Variants in ABCC1 observed in about 807,000 individuals in gnomAD.
ABCC1 encodes the protein multidrug resistance-associated protein 1.
Under a neutral mutation model 172.9 loss-of-function variants are expected in ABCC1, and 83 were observed. That is an observed-to-expected ratio of 0.48 (90% confidence interval 0.40 to 0.58). ABCC1 has a LOEUF of 0.58. Among genes scored for constraint, ABCC1 ranks in the 20% least tolerant of loss-of-function variants. The pLI is 0.00. For synonymous variants in ABCC1, 937 were observed against 825.2 expected, an observed-to-expected ratio of 1.14 and a Z score of -2.32; for missense variants, 1,817 against 2,002.7, an observed-to-expected ratio of 0.91 and a Z score of 1.77.
intron 24 of ABCC1, 124 bp from the exon 25 acceptor site, chr16:16,124,665 C>T (rs12934805): frequency 1.0e-4 from 146 of 1,394,808 alleles, no homozygotes; most frequent in Non-Finnish European, 1.4e-4. Context: ...GAAGGACTCT[C>T]TCTGGAATTA....
chr16:16,098,767 C>G, intron 19 of ABCC1: 2 of 1,053,078 alleles, frequency 1.9e-6, no homozygotes, highest in South Asian at 2.4e-5. Flanking sequence ...TCTTGCCTCT[C>G]CCCCTTTAGA....
chr16:16,079,689 TC>T (rs1227098900), intron 16 of ABCC1, among the ~76,000 whole-genome samples: 1 of 152,196 alleles, frequency 6.6e-6, no homozygotes, highest in Non-Finnish European at 1.5e-5. Context: ...GATTTTGGTA[TC>T]ATTTATTTCC....
At chr16:16,124,351 T>TGTGTGTGTGTGTGTGTGTGTGTGAG (rs1567432185) in intron 24 of ABCC1, among the ~76,000 whole-genome samples, 1 of 32,900 alleles carries the variant, frequency 3.0e-5, no homozygotes, top group Admixed American at 3.1e-4. Context: ...GTGTGTGTGA[T>TGTGTGTGTGTGTGTGTGTGTGTGAG]TATAGGAGTG....
intron 26 of ABCC1, among the ~76,000 whole-genome samples, chr16:16,131,560 G>A (rs186658929): frequency 2.0e-5 from 3 of 152,146 alleles, no homozygotes; most frequent in Admixed American, 2.0e-4. Flanking sequence ...GGCAGTGCGG[G>A]AGGGGACAGA....
chr16:15,988,577 C>T (rs1340748297), intron 1 of ABCC1, among the ~76,000 whole-genome samples: 1 of 152,126 alleles, frequency 6.6e-6, no homozygotes, highest in Non-Finnish European at 1.5e-5. Flanking sequence ...AGCAACCTTG[C>T]AAAGATAGCC....
At chr16:16,075,599 C>G (rs933644544) in intron 14 of ABCC1, among the ~76,000 whole-genome samples, 2 of 152,154 alleles carry the variant, frequency 1.3e-5, no homozygotes, top group Non-Finnish European at 2.9e-5. Flanking sequence ...CCACTGCGCT[C>G]CAGCCTGGGT....
chr16:16,102,444 C>A (rs989401233), intron 19 of ABCC1, among the ~76,000 whole-genome samples, 183 bp from the exon 20 acceptor site: 1 of 152,228 alleles, frequency 6.6e-6, no homozygotes, highest in Non-Finnish European at 1.5e-5. Context: ...GCTCCAGATA[C>A]CACCTGCCCC....
At chr16:16,098,471 T>A (rs978317596) in intron 19 of ABCC1, among the ~76,000 whole-genome samples, 3 of 152,130 alleles carry the variant, frequency 2.0e-5, no homozygotes, top group African/African-American at 7.2e-5. Context: ...ATACGAAAAT[T>A]AGCCAGGTGT....
chr16:16,073,552 C>T (rs2050435781), intron 14 of ABCC1, among the ~76,000 whole-genome samples: 1 of 152,142 alleles, frequency 6.6e-6, no homozygotes, highest in South Asian at 2.1e-4. Context: ...TGCTTGAGGC[C>T]AGGAGTTTGA....
chr16:16,063,275 T>C (rs1021310059), intron 12 of ABCC1, among the ~76,000 whole-genome samples: 4 of 152,006 alleles, frequency 2.6e-5, no homozygotes, highest in African/African-American at 7.3e-5. Context: ...CCTGGCTAAT[T>C]TTTTGTCTTT....
At chr16:16,096,801 C>G (rs186504748) in intron 19 of ABCC1, among the ~76,000 whole-genome samples, 1 of 152,084 alleles carries the variant, frequency 6.6e-6, no homozygotes, top group Non-Finnish European at 1.5e-5. Context: ...CAGCACTTAA[C>G]GTACGTGGGT....
chr16:16,101,890 C>G (rs2051770243), intron 19 of ABCC1, among the ~76,000 whole-genome samples: 1 of 152,212 alleles, frequency 6.6e-6, no homozygotes, highest in Admixed American at 6.5e-5. Flanking sequence ...TGCTGTGTCC[C>G]TTGGTGTCCT....
intron 1 of ABCC1, among the ~76,000 whole-genome samples, chr16:15,957,821 T>C (rs946145363): frequency 5.9e-5 from 9 of 152,116 alleles, no homozygotes; most frequent in African/African-American, 2.2e-4. Context: ...CTCGATCTCT[T>C]GACCTCGTGA....
intron 12 of ABCC1, among the ~76,000 whole-genome samples, chr16:16,066,463 G>A (rs557400982): frequency 6.6e-5 from 10 of 151,968 alleles, no homozygotes; most frequent in Non-Finnish European, 1.3e-4. Flanking sequence ...TTTCAGGTGT[G>A]AGCCACCCCG....
intron 23 of ABCC1, among the ~76,000 whole-genome samples, chr16:16,120,308 G>T (rs558331284): frequency 6.6e-6 from 1 of 152,302 alleles, no homozygotes; most frequent in East Asian, 1.9e-4. Context: ...GGAACCCCGG[G>T]CTCACCAGTT....
At chr16:15,982,803 C>CAAAAAAAAAAAAAAAAAAAAAAAAA (rs148834444) in intron 1 of ABCC1, among the ~76,000 whole-genome samples, 1 of 43,212 alleles carries the variant, frequency 2.3e-5, no homozygotes, top group Non-Finnish European at 4.3e-5. Flanking sequence ...GAGACGCTGT[C>CAAAAAAAAAAAAAAAAAAAAAAAAA]AAAAAAAAAA....
At chr16:16,023,838 G>A (rs2048278488) in intron 5 of ABCC1, among the ~76,000 whole-genome samples, 1 of 152,168 alleles carries the variant, frequency 6.6e-6, no homozygotes. Context: ...TGGAGGTGGT[G>A]GGGTGGGAGG....
chr16:16,079,535 C>G, intron 16 of ABCC1, 57 bp downstream of exon 16: 1 of 1,567,334 alleles, frequency 6.4e-7, no homozygotes, highest in Non-Finnish European at 8.7e-7. Flanking sequence ...TGAGGAAAAG[C>G]TCAGAAATGA....
intron 21 of ABCC1, among the ~76,000 whole-genome samples, chr16:16,108,043 G>A (rs2052213586): frequency 2.0e-5 from 3 of 152,130 alleles, no homozygotes; most frequent in South Asian, 2.1e-4. Context: ...AAGGGGCAGA[G>A]GTGACTCTGG....
Sources: gnomAD v4.1 joint callset for allele counts (sites outside exome capture counted in the v4.1 genomes callset) on GRCh38, gnomAD v4.1.1 for gene constraint, MANE v1.5 for transcripts, NCBI Gene and HGNC (gene_info 2026-07-23, HGNC 2026-07-21) for gene names.